The following RBFOX1 variants were observed in gnomAD, a reference collection of about 807,000 sequenced individuals.
The protein encoded by RBFOX1 is RNA binding fox-1 homolog 1.
RBFOX1 carries 8 observed loss-of-function variants against 57.7 expected under a neutral mutation model. That is an observed-to-expected ratio of 0.14 (90% CI 0.08 to 0.25). RBFOX1 has a LOEUF of 0.25. RBFOX1 is among the 10% of genes least tolerant of loss of function. The pLI, the probability that RBFOX1 is intolerant of heterozygous loss-of-function variation, is 1.00. For synonymous variants in RBFOX1, 326 were observed against 222.4 expected, an observed-to-expected ratio of 1.47 and a Z score of -4.15; for missense variants, 611 against 548.5, an observed-to-expected ratio of 1.11 and a Z score of -1.14.
chr16:7,687,198 A>T (rs1437494848), intron 14 of RBFOX1, among the ~76,000 whole-genome samples: 1 of 152,060 alleles, frequency 6.6e-6, no homozygotes, highest in East Asian at 1.9e-4. Flanking sequence ...ACGTGACAAC[A>T]CTAAACTGAA....
At chr16:6,894,445 C>T (rs118097213) in intron 3 of RBFOX1, among the ~76,000 whole-genome samples, 1,887 of 152,258 alleles carry the variant, frequency 0.012, 21 homozygotes, top group Non-Finnish European at 0.02. Flanking sequence ...AATGCCTTCC[C>T]GAATTTGTGC....
chr16:7,667,674 CCT>C (rs2069829184), intron 13 of RBFOX1, among the ~76,000 whole-genome samples: 1 of 107,126 alleles, frequency 9.3e-6, no homozygotes, highest in African/African-American at 3.5e-5. Context: ...TAGATTTAAA[CCT>C]CTTTTTGTTA....
intron 3 of RBFOX1, among the ~76,000 whole-genome samples, chr16:6,981,598 A>C (rs922985792): frequency 6.6e-6 from 1 of 152,224 alleles, no homozygotes. Flanking sequence ...GAGGCCTCAC[A>C]GTCATGATGG....
intron 2 of RBFOX1, among the ~76,000 whole-genome samples, chr16:6,456,235 T>A (rs2159550): frequency 2.0e-5 from 3 of 152,022 alleles, no homozygotes; most frequent in Non-Finnish European, 4.4e-5. Flanking sequence ...AAGAGAATTG[T>A]GTATTTTTAG....
intron 2 of RBFOX1, among the ~76,000 whole-genome samples, chr16:6,562,880 C>T (rs199560001): frequency 0.17 from 8,791 of 51,476 alleles, 1,656 homozygotes; most frequent in African/African-American, 0.42. Context: ...TTCTTTCTTT[C>T]TTTTTTTTTT....
At chr16:6,895,403 AGTT>A (rs2066518957) in intron 3 of RBFOX1, among the ~76,000 whole-genome samples, 2 of 137,178 alleles carry the variant, frequency 1.5e-5, no homozygotes, top group Admixed American at 7.7e-5. Flanking sequence ...CTCAGCCACT[AGTT>A]GTTAGTAATA....
chr16:5,482,107 C>T (rs1567146684), intron 2 of RBFOX1, among the ~76,000 whole-genome samples: 1 of 152,076 alleles, frequency 6.6e-6, no homozygotes. Flanking sequence ...TTCACCATGG[C>T]GAATCGTGTG....
chr16:6,171,922 A>C (rs1346717197), intron 1 of RBFOX1, among the ~76,000 whole-genome samples: 1 of 151,812 alleles, frequency 6.6e-6, no homozygotes, highest in Non-Finnish European at 1.5e-5. Flanking sequence ...CCTGGGTTCA[A>C]GTGATTGTCC....
At chr16:5,842,541 CA>C (rs754984391) in intron 3 of RBFOX1, among the ~76,000 whole-genome samples, 39 of 152,284 alleles carry the variant, frequency 2.6e-4, no homozygotes, top group Non-Finnish European at 4.7e-4. Flanking sequence ...TTCATGTATT[CA>C]TTCATTTATC....
chr16:7,614,501 T>G (rs1321561031), intron 10 of RBFOX1: 1 of 152,202 alleles, frequency 6.6e-6, no homozygotes, highest in Non-Finnish European at 1.5e-5. Context: ...AGATCAGTAC[T>G]TGCTTATGTG....
chr16:5,571,337 C>T (rs746585274), intron 2 of RBFOX1, among the ~76,000 whole-genome samples: 1 of 149,834 alleles, frequency 6.7e-6, no homozygotes, highest in Non-Finnish European at 1.5e-5. Context: ...TTTACTGCCT[C>T]AGCCTCCCAA....
intron 5 of RBFOX1, among the ~76,000 whole-genome samples, chr16:7,561,354 C>T (rs1601842356): frequency 6.6e-6 from 1 of 152,218 alleles, no homozygotes; most frequent in Admixed American, 6.5e-5. Flanking sequence ...CTATCCCCAT[C>T]TAGATGAAGA....
chr16:6,219,451 A>G (rs963229600), intron 1 of RBFOX1, among the ~76,000 whole-genome samples: 1 of 152,176 alleles, frequency 6.6e-6, no homozygotes, highest in African/African-American at 2.4e-5. Flanking sequence ...GGGAGGGAAA[A>G]AAGTAGAAAA....
At chr16:5,814,421 C>T (rs979663558) in intron 3 of RBFOX1, among the ~76,000 whole-genome samples, 2 of 152,136 alleles carry the variant, frequency 1.3e-5, no homozygotes, top group African/African-American at 4.8e-5. Context: ...AGAATTATAC[C>T]CCCAGCAGCG....
intron 3 of RBFOX1, among the ~76,000 whole-genome samples, chr16:6,991,585 G>A (rs1399149639): frequency 6.6e-6 from 1 of 152,158 alleles, no homozygotes; most frequent in Non-Finnish European, 1.5e-5. Context: ...CACCCAGGCT[G>A]GAGTTCAGTG....
chr16:5,551,907 T>C (rs138384064), intron 2 of RBFOX1, among the ~76,000 whole-genome samples: 6,868 of 152,114 alleles, frequency 0.045, 536 homozygotes, highest in African/African-American at 0.16. Flanking sequence ...TTTCTGTTCC[T>C]GTGTGAGTTT....
intron 4 of RBFOX1, among the ~76,000 whole-genome samples, chr16:7,404,709 C>A (rs1386338430): frequency 1.4e-5 from 2 of 144,372 alleles, no homozygotes; most frequent in Non-Finnish European, 3.1e-5. Flanking sequence ...TCAGAAAAAA[C>A]AAACAAACAA....
chr16:7,439,077 G>A (rs866036144), intron 4 of RBFOX1, among the ~76,000 whole-genome samples: 3 of 152,150 alleles, frequency 2.0e-5, no homozygotes, highest in African/African-American at 7.2e-5. Flanking sequence ...GTCTCTCTGT[G>A]CACTCTCAGT....
rs537689333 is a variant in RBFOX1 at position 7,703,865 on chromosome 16, C to T, written c.996-5191C>T. Among the ~76,000 whole-genome samples the T allele has an allele frequency of 7.2e-4, 110 of 152,266 alleles. 1 individual carries two copies. The highest frequency in any genetic ancestry group is 1.3e-3 in the Non-Finnish European group (90 of 68,024). On this transcript the variant is annotated intron_variant, in intron 14 of 15. Transcript: ENST00000550418. ...ACTCCAAAAGCATCTGTAATTTGATCGGTAGAGCTGCATGTGATTATATTA... is the reference window on the plus strand; with the variant it reads ...ACTCCAAAAGCATCTGTAATTTGATTGGTAGAGCTGCATGTGATTATATTA...
Sources: gnomAD v4.1 joint callset for allele counts (sites outside exome capture counted in the v4.1 genomes callset) on GRCh38, gnomAD v4.1.1 for gene constraint, MANE v1.5 for transcripts, NCBI Gene and HGNC (gene_info 2026-07-23, HGNC 2026-07-21) for gene names.